ASTN2: variants seen among roughly 807,000 people sequenced by gnomAD.
ASTN2 encodes the protein astrotactin 2.
A neutral mutation model predicts 139.8 loss-of-function variants in ASTN2; 54 were observed. That is an observed-to-expected ratio of 0.39 (90% confidence interval 0.31 to 0.48). The LOEUF is 0.48. ASTN2 is among the 20% of genes least tolerant of loss of function. ASTN2 has a pLI of 0.95. For missense variants in ASTN2, 1,565 were observed against 1,725.1 expected, an observed-to-expected ratio of 0.91 and a Z score of 1.64; for synonymous variants, 756 against 719.5, an observed-to-expected ratio of 1.05 and a Z score of -0.81.
chr9:116,539,111 T>C (rs1851769959), intron 19 of ASTN2, among the ~76,000 whole-genome samples: 1 of 152,212 alleles, frequency 6.6e-6, no homozygotes, highest in Non-Finnish European at 1.5e-5. Flanking sequence ...GTGGCATGAT[T>C]CCATTTATAT....
intron 19 of ASTN2, among the ~76,000 whole-genome samples, chr9:116,519,908 G>A (rs1306630331): frequency 2.0e-5 from 3 of 151,984 alleles, no homozygotes; most frequent in African/African-American, 7.2e-5. Context: ...AAACCTAGAG[G>A]AGATGGATAA....
At chr9:116,895,176 C>T (rs528889031) in intron 10 of ASTN2, among the ~76,000 whole-genome samples, 24 of 152,212 alleles carry the variant, frequency 1.6e-4, no homozygotes, top group Admixed American at 4.6e-4. Flanking sequence ...TTCTTTCTGC[C>T]GGTTCAATGT....
At chr9:116,717,768 CAT>C (rs986814453) in intron 16 of ASTN2, among the ~76,000 whole-genome samples, 1 of 152,228 alleles carries the variant, frequency 6.6e-6, no homozygotes, top group Non-Finnish European at 1.5e-5. Flanking sequence ...GCTTTTAATA[CAT>C]CAGTAGTCTT....
At chr9:116,491,823 T>C (rs565298333) in intron 19 of ASTN2, among the ~76,000 whole-genome samples, 2 of 152,298 alleles carry the variant, frequency 1.3e-5, no homozygotes, top group South Asian at 2.1e-4. Flanking sequence ...AACCATACAA[T>C]TGAATGAGCA....
At chr9:117,292,041 C>T (rs1275894654) in intron 1 of ASTN2, among the ~76,000 whole-genome samples, 2 of 152,102 alleles carry the variant, frequency 1.3e-5, no homozygotes, top group Non-Finnish European at 2.9e-5. Context: ...AAGAGGGTTG[C>T]CCTGAGCGTG....
chr9:117,245,274 T>C (rs933874837), intron 2 of ASTN2, among the ~76,000 whole-genome samples: 1 of 152,204 alleles, frequency 6.6e-6, no homozygotes, highest in Non-Finnish European at 1.5e-5. Context: ...GAAGGCTGAT[T>C]AGTCGGAATA....
chr9:116,581,413 G>A lies in ASTN2; in HGVS notation c.3355+36911C>T, dbSNP rs923519759. The stretch of plus-strand genomic sequence containing the variant: ...CTGGTTACCTGGTGCCCCAGTTCCC[G>A]TAGTCATTCTATCATGTTGCTCCTG... On this transcript the variant is annotated intron_variant, in intron 19 of 22. Transcript: ENST00000313400. Among the ~76,000 whole-genome samples the A allele has an allele frequency of 3.3e-5, 5 of 152,090 alleles. No homozygotes were observed. In the South Asian group the frequency reaches 6.2e-4, roughly 19 times the overall value.
At chr9:116,931,671 G>A (rs1199707844) in intron 10 of ASTN2, among the ~76,000 whole-genome samples, 4 of 152,170 alleles carry the variant, frequency 2.6e-5, no homozygotes, top group Non-Finnish European at 4.4e-5. Flanking sequence ...AAAGCAGGCA[G>A]GATCTCTGCC....
In ASTN2 at chr9:117,238,128, C is replaced by A. The variant is rs555398516; in HGVS notation, c.631-23386G>T. Among the ~76,000 whole-genome samples the A allele has an allele frequency of 3.3e-5, 5 of 152,280 alleles. No homozygotes were observed. In the South Asian group the frequency reaches 8.3e-4, roughly 25 times the overall value. ...GGGAGAGGCTGTTTTAATAATGATA[C>A]CCCTGCTCCTTGTGGCGGGAAGGAA... On this transcript the variant is annotated intron_variant, in intron 2 of 22. Transcript: ENST00000313400.
intron 16 of ASTN2, among the ~76,000 whole-genome samples, chr9:116,663,354 G>A (rs927586312): frequency 1.3e-5 from 2 of 152,144 alleles, no homozygotes; most frequent in African/African-American, 2.4e-5. Context: ...AAACATCCAG[G>A]AGGGTATGAA....
At chr9:117,408,017 G>A (rs113729806) in intron 1 of ASTN2, among the ~76,000 whole-genome samples, 11 of 152,262 alleles carry the variant, frequency 7.2e-5, no homozygotes, top group African/African-American at 2.6e-4. Flanking sequence ...AGGGTGAGAG[G>A]CAGTGAGGCT....
At position 116,820,769 on chromosome 9, in the gene ASTN2, C is replaced by T. The variant is rs779265457; in HGVS notation, c.2055G>A (p.Leu685=). The change falls in exon 12 of 23, where the codon CTG becomes CTA. Residue 685 remains leucine, a synonymous_variant. Transcript: ENST00000313400. The part of the protein sequence containing the change: ...DSSGCVCPEE[L]KPMKDGSGCY... ...AGCCAGAGCCATCCTTCATGGGTTT[C>T]AGCTCCTCAGGGCACTGCTCAGAGA... The T allele has an allele frequency of 6.2e-7, 1 of 1,613,894 alleles. No individual in the cohort carries two copies. The highest frequency in any genetic ancestry group is 8.5e-7 in the Non-Finnish European group (1 of 1,179,844).
intron 4 of ASTN2, among the ~76,000 whole-genome samples, chr9:117,137,087 T>C (rs532489611): frequency 6.6e-6 from 1 of 152,176 alleles, no homozygotes; most frequent in Non-Finnish European, 1.5e-5. Flanking sequence ...ATACTGCCCA[T>C]AAGATGCTGG....
intron 5 of ASTN2, among the ~76,000 whole-genome samples, chr9:117,059,562 G>A (rs192628784): frequency 5.3e-5 from 8 of 152,050 alleles, no homozygotes; most frequent in African/African-American, 1.7e-4. Context: ...GCAGTGAGCC[G>A]AGATCATGCC....
At chr9:116,849,131 C>T (rs1387848398) in intron 11 of ASTN2, among the ~76,000 whole-genome samples, 1 of 152,168 alleles carries the variant, frequency 6.6e-6, no homozygotes, top group Non-Finnish European at 1.5e-5. Context: ...ACGGAGTTTC[C>T]ATGCCCTGTC....
intron 5 of ASTN2, among the ~76,000 whole-genome samples, chr9:117,049,268 TATTTCTATGTTC>T (rs1838844641): frequency 2.0e-5 from 3 of 152,146 alleles, no homozygotes; most frequent in African/African-American, 7.2e-5. Flanking sequence ...GAAAAGAAAA[TATTTCTATGTTC>T]ACAAAATTTT....
At chr9:116,491,530 C>T (rs538841357) in intron 19 of ASTN2, among the ~76,000 whole-genome samples, 2 of 152,258 alleles carry the variant, frequency 1.3e-5, no homozygotes, top group Admixed American at 1.3e-4. Context: ...AGAAATGGTC[C>T]CTGACCTTCT....
At chr9:117,113,189 T>A (rs544383919) in intron 4 of ASTN2, among the ~76,000 whole-genome samples, 11 of 152,328 alleles carry the variant, frequency 7.2e-5, no homozygotes, top group Admixed American at 6.5e-4. Flanking sequence ...TCTCAAAATG[T>A]TAATTCTACA....
chr9:117,140,016 C>G (rs1044657435), intron 4 of ASTN2, among the ~76,000 whole-genome samples: 1 of 152,206 alleles, frequency 6.6e-6, no homozygotes, highest in Admixed American at 6.5e-5. Context: ...TCCCCTCAGA[C>G]AGATTACAAT....
Sources: gnomAD v4.1 joint callset for allele counts (sites outside exome capture counted in the v4.1 genomes callset) on GRCh38, gnomAD v4.1.1 for gene constraint, MANE v1.5 for transcripts, NCBI Gene and HGNC (gene_info 2026-07-23, HGNC 2026-07-21) for gene names.